ZNF407: variants seen among roughly 807,000 people sequenced by gnomAD.
ZNF407 encodes zinc finger protein 407.
ZNF407 carries 17 observed loss-of-function variants against 131.2 expected under a neutral mutation model. That is an observed-to-expected ratio of 0.13 (90% CI 0.09 to 0.19). The LOEUF is 0.19. Among genes scored for constraint, ZNF407 ranks in the 10% least tolerant of loss-of-function variants. ZNF407 has a pLI of 1.00. For missense variants in ZNF407, 2,681 were observed against 2,830.6 expected (o/e 0.95, Z 1.20); for synonymous variants, 1,156 against 1,062.0 (o/e 1.09, Z -1.72).
chr18:74,988,657 TAAATAAAC>T (rs1310739627), intron 8 of ZNF407, among the ~76,000 whole-genome samples: 1 of 150,756 alleles, frequency 6.6e-6, no homozygotes, highest in African/African-American at 2.5e-5. Context: ...ATAAAAAAAA[TAAATAAAC>T]AAACAAAAAA....
At chr18:74,809,432 A>G (rs1044656873) in intron 4 of ZNF407, among the ~76,000 whole-genome samples, 2 of 152,234 alleles carry the variant, frequency 1.3e-5, no homozygotes, top group African/African-American at 4.8e-5. Flanking sequence ...GAAAGTGCAT[A>G]GTGAAATCTC....
intron 8 of ZNF407, among the ~76,000 whole-genome samples, chr18:74,981,304 C>T (rs1224430957): frequency 5.9e-5 from 9 of 152,180 alleles, no homozygotes; most frequent in Non-Finnish European, 1.2e-4. Context: ...CCTGGGCAGC[C>T]GGAAAGTGCG....
At chr18:74,967,917 C>A (rs1972427255) in intron 8 of ZNF407, among the ~76,000 whole-genome samples, 1 of 152,210 alleles carries the variant, frequency 6.6e-6, no homozygotes, top group African/African-American at 2.4e-5. Flanking sequence ...AGTCTCTTGA[C>A]TTAAATTTTA....
chr18:74,726,055 G>A (rs547538082), intron 3 of ZNF407, among the ~76,000 whole-genome samples: 3 of 152,264 alleles, frequency 2.0e-5, no homozygotes, highest in South Asian at 2.1e-4. Context: ...TGTAGGGGGC[G>A]ATGGTTAAAT....
At chr18:74,973,572 A>G (rs1042858804) in intron 8 of ZNF407, among the ~76,000 whole-genome samples, 2 of 152,230 alleles carry the variant, frequency 1.3e-5, no homozygotes, top group African/African-American at 4.8e-5. Context: ...ATTATTACAT[A>G]TGGCTAATAT....
At chr18:74,840,082 G>A (rs1970611779) in intron 4 of ZNF407, among the ~76,000 whole-genome samples, 1 of 151,984 alleles carries the variant, frequency 6.6e-6, no homozygotes, top group South Asian at 2.1e-4. Context: ...CTGTACAGTT[G>A]GAAGTTGGAA....
At chr18:74,886,597 G>A (rs74471649) in intron 6 of ZNF407, among the ~76,000 whole-genome samples, 1 of 152,174 alleles carries the variant, frequency 6.6e-6, no homozygotes, top group Non-Finnish European at 1.5e-5. Context: ...ACTCATAGTA[G>A]CATGGATGAG....
chr18:74,676,581 C>T (rs558585958), intron 3 of ZNF407, among the ~76,000 whole-genome samples: 29 of 151,172 alleles, frequency 1.9e-4, no homozygotes, highest in East Asian at 4.0e-4. Context: ...GGACTACAGG[C>T]GCCCACCACC....
At chr18:74,752,635 T>A (rs1306998876) in intron 3 of ZNF407, among the ~76,000 whole-genome samples, 2 of 152,194 alleles carry the variant, frequency 1.3e-5, no homozygotes, top group East Asian at 1.9e-4. Flanking sequence ...ATAGGGAATC[T>A]TTTCCCCATT....
At chr18:74,751,706 C>CA in intron 3 of ZNF407, among the ~76,000 whole-genome samples, 1 of 152,150 alleles carries the variant, frequency 6.6e-6, no homozygotes, top group Non-Finnish European at 1.5e-5. Flanking sequence ...ATGAACTCAT[C>CA]CTTTTTATGG....
intron 8 of ZNF407, among the ~76,000 whole-genome samples, chr18:74,997,655 G>T (rs1308198528): frequency 6.6e-6 from 1 of 152,068 alleles, no homozygotes; most frequent in Non-Finnish European, 1.5e-5. Context: ...GGACAGAGCT[G>T]TTTCCTTCAG....
At chr18:75,051,356 G>A (rs1169989748) in intron 8 of ZNF407, among the ~76,000 whole-genome samples, 1 of 152,178 alleles carries the variant, frequency 6.6e-6, no homozygotes, top group African/African-American at 2.4e-5. Context: ...CATTCTTCCT[G>A]TGCTCACTTA....
intron 8 of ZNF407, among the ~76,000 whole-genome samples, chr18:74,990,178 G>A (rs1015767600): frequency 1.1e-4 from 17 of 152,116 alleles, no homozygotes; most frequent in East Asian, 1.9e-4. Flanking sequence ...TCAGGTACTC[G>A]GGGTAATAGA....
chr18:74,783,509 G>C (rs1436128796), intron 4 of ZNF407, among the ~76,000 whole-genome samples: 1 of 151,294 alleles, frequency 6.6e-6, no homozygotes, highest in Non-Finnish European at 1.5e-5. Context: ...TAAAATGCTA[G>C]AAATCCTCTA....
Position 75,049,097 on chromosome 18 carries a change from TTG to T in ZNF407, c.5429-14052_5429-14051del, listed in dbSNP as rs1491412777. The stretch of plus-strand genomic sequence containing the variant: ...CACTGGCCGGTAGTATTTTTTTTTT[TTG>T]GGTGGGGGGGGGGTGGGGGAGTTGT... On this transcript the variant is annotated intron_variant, in intron 8 of 8. Coordinates refer to ENST00000299687, the MANE Select transcript of ZNF407 (RefSeq NM_017757.3). Among the ~76,000 whole-genome samples the T allele has an allele frequency of 4.4e-3, 534 of 122,758 alleles. 3 individuals are homozygous for T. Among genetic ancestry groups the T allele is most frequent in the African/African-American group, 0.018 (490 of 26,570 alleles). 80.5% of individuals were successfully genotyped at this position (122,758 alleles called of 152,430 possible).
In ZNF407 at chr18:74,951,206, A is replaced by G. The variant is rs549900754; in HGVS notation, c.5428+30514A>G. ...TTTCTTTTTTCTCTATGATACAGAC[A>G]TTTTAAATAGACGTAAGCAGAACAT... On this transcript the variant is annotated intron_variant, in intron 8 of 8. Coordinates refer to ENST00000299687, the MANE Select transcript of ZNF407 (RefSeq NM_017757.3). 4.6e-5 allele frequency among the ~76,000 whole-genome samples: 7 copies of G among 152,272 alleles called. No individual in the cohort carries two copies. In the East Asian group the frequency reaches 1.4e-3, roughly 29 times the overall value.
chr18:74,621,101 C>T (rs1983490995), intron 1 of ZNF407, among the ~76,000 whole-genome samples: 1 of 151,446 alleles, frequency 6.6e-6, no homozygotes, highest in African/African-American at 2.4e-5. Flanking sequence ...TCTACTGTAT[C>T]TCTTTATTAT....
chr18:74,908,138 T>G (rs1354918884), intron 7 of ZNF407, among the ~76,000 whole-genome samples: 2 of 152,204 alleles, frequency 1.3e-5, no homozygotes, highest in Non-Finnish European at 2.9e-5. Flanking sequence ...TTGCATAGTT[T>G]TACTCCTTTT....
At chr18:74,882,481 A>G (rs1214606118) in intron 6 of ZNF407, among the ~76,000 whole-genome samples, 4 of 152,228 alleles carry the variant, frequency 2.6e-5, no homozygotes, top group Admixed American at 6.5e-5. Flanking sequence ...GATTCTTGAT[A>G]TGTTGTATTT....
Sources: gnomAD v4.1 joint callset for allele counts (sites outside exome capture counted in the v4.1 genomes callset) on GRCh38, gnomAD v4.1.1 for gene constraint, MANE v1.5 for transcripts, NCBI Gene and HGNC (gene_info 2026-07-23, HGNC 2026-07-21) for gene names.